Variants in FGF12 observed in about 807,000 individuals in gnomAD.
FGF12 encodes the protein fibroblast growth factor 12.
A neutral mutation model predicts 23.6 loss-of-function variants in FGF12; 14 were observed. The ratio of observed to expected loss-of-function variants is 0.59; its 90% CI spans 0.39 to 0.93. FGF12 has a LOEUF of 0.93. Ranked by LOEUF, FGF12 falls within the 40% of genes least tolerant of loss-of-function variation. The probability of loss-of-function intolerance (pLI) is 0.00; values close to 1 mark genes in which losing one functional copy is unlikely to be tolerated. For missense variants in FGF12, 175 were observed against 217.8 expected (o/e 0.80, Z 1.24); for synonymous variants, 62 against 77.3 (o/e 0.80, Z 1.04).
intron 2 of FGF12, among the ~76,000 whole-genome samples, chr3:192,589,969 G>A (rs1274598857): frequency 6.6e-6 from 1 of 151,882 alleles, no homozygotes; most frequent in Non-Finnish European, 1.5e-5. Flanking sequence ...TCTCTACCAA[G>A]ATGGAGGTTG....
At chr3:192,633,324 G>A (rs758068045) in intron 2 of FGF12, among the ~76,000 whole-genome samples, 1 of 152,106 alleles carries the variant, frequency 6.6e-6, no homozygotes, top group East Asian at 1.9e-4. Context: ...GGGATTACAG[G>A]TGTGAGCCCT....
At chr3:192,248,243 T>C (rs565493641) in intron 4 of FGF12, among the ~76,000 whole-genome samples, 28 of 152,304 alleles carry the variant, frequency 1.8e-4, no homozygotes, top group Non-Finnish European at 3.4e-4. Flanking sequence ...AAAGTGTACA[T>C]TGAACTGAAA....
At chr3:192,528,410 C>T (rs542391583) in intron 2 of FGF12, among the ~76,000 whole-genome samples, 3 of 152,278 alleles carry the variant, frequency 2.0e-5, no homozygotes, top group South Asian at 4.1e-4. Flanking sequence ...TTGGGCAGCT[C>T]GGCAACTGTG....
At chr3:192,144,728 T>A (rs1346860363) in intron 5 of FGF12, among the ~76,000 whole-genome samples, 1 of 152,236 alleles carries the variant, frequency 6.6e-6, no homozygotes, top group Non-Finnish European at 1.5e-5. Context: ...TATGCAAGCA[T>A]GAGACTTCAG....
intron 2 of FGF12, among the ~76,000 whole-genome samples, chr3:192,460,667 C>T (rs73889344): frequency 0.015 from 2,122 of 142,040 alleles, 40 homozygotes; most frequent in African/African-American, 0.053. Flanking sequence ...CATATACACA[C>T]ACACACACAT....
At chr3:192,573,477 CT>C (rs1214896152) in intron 2 of FGF12, among the ~76,000 whole-genome samples, 3 of 152,094 alleles carry the variant, frequency 2.0e-5, no homozygotes, top group African/African-American at 7.2e-5. Flanking sequence ...AAAGTTAACT[CT>C]CCCCTGATTA....
intron 4 of FGF12, among the ~76,000 whole-genome samples, chr3:192,226,823 T>C (rs1217427795): frequency 6.6e-6 from 1 of 152,144 alleles, no homozygotes; most frequent in African/African-American, 2.4e-5. Context: ...TGAGGAATCA[T>C]ATATGTCACT....
intron 2 of FGF12, among the ~76,000 whole-genome samples, chr3:192,495,902 AT>A (rs1322572702): frequency 6.6e-6 from 1 of 152,110 alleles, no homozygotes. Flanking sequence ...GGCTCCAGCA[AT>A]CCACCCATCC....
At chr3:192,659,352 G>A (rs916880481) in intron 2 of FGF12, among the ~76,000 whole-genome samples, 15 of 152,046 alleles carry the variant, frequency 9.9e-5, no homozygotes, top group Non-Finnish European at 1.9e-4. Context: ...CAGCACCCAG[G>A]AGAAATCAGT....
intron 2 of FGF12, among the ~76,000 whole-genome samples, chr3:192,479,707 G>A (rs1313068437): frequency 6.6e-6 from 1 of 152,038 alleles, no homozygotes; most frequent in East Asian, 1.9e-4. Context: ...CAGTTCATTT[G>A]GTCCATTTTA....
At position 192,141,922 on chromosome 3, in the gene FGF12, T is replaced by C. The variant is rs539770316; in HGVS notation, c.*2087A>G. On this transcript the variant is annotated 3_prime_UTR_variant, in exon 6 of 6. Transcript: ENST00000445105. ...AATAAAATAAGCTTTGTGCTTGGGA[T>C]TTTTTTCTTTTTTTTTTTGGTTCTG... 52 of 152,098 alleles carry C rather than the reference T, an allele frequency of 3.4e-4. No homozygotes were observed. Among genetic ancestry groups the C allele is most frequent in the African/African-American group, 1.2e-3 (49 of 41,434 alleles). The allele number at this position is 152,098 out of a possible 1,614,324, so 9.4% of individuals were successfully genotyped here. A position where few individuals can be genotyped will look rare whatever the true frequency, so the allele number is the denominator to read the frequency against.
chr3:192,387,586 G>A (rs564632787), intron 2 of FGF12, among the ~76,000 whole-genome samples: 4 of 151,974 alleles, frequency 2.6e-5, no homozygotes, highest in Non-Finnish European at 5.9e-5. Flanking sequence ...GGTGGCTAAG[G>A]CCTGTAATCC....
intron 2 of FGF12, chr3:192,533,992 G>C (rs1311870606): frequency 6.6e-6 from 1 of 152,298 alleles, no homozygotes; most frequent in Non-Finnish European, 1.5e-5. Flanking sequence ...AAGATGACAG[G>C]GTTTTTTTTT....
At chr3:192,540,832 A>G (rs1725346629) in intron 2 of FGF12, among the ~76,000 whole-genome samples, 1 of 152,144 alleles carries the variant, frequency 6.6e-6, no homozygotes, top group African/African-American at 2.4e-5. Context: ...TTGGGTACAT[A>G]TATATTTATA....
chr3:192,287,780 T>C (rs560524551), intron 4 of FGF12, among the ~76,000 whole-genome samples: 1 of 152,208 alleles, frequency 6.6e-6, no homozygotes, highest in Non-Finnish European at 1.5e-5. Context: ...ATCTGGATCA[T>C]TTGCTTTTGA....
chr3:192,408,654 A>G lies in FGF12; in HGVS notation c.14-48116T>C, dbSNP rs1056040073. The G allele has an allele frequency of 1.9e-6, 2 of 1,026,612 alleles. No individual in the cohort carries two copies. Among genetic ancestry groups the G allele is most frequent in the East Asian group, 9.4e-5 (1 of 10,634 alleles). 63.6% of individuals were successfully genotyped at this position (1,026,612 alleles called of 1,614,324 possible). ...TCTGTTGGAGAGGCGCAAGCGTTGT[A>G]AGGTGTCCAAAGTATACCTACACAT... is the stretch of plus-strand genomic sequence containing the variant. On this transcript the variant is annotated intron_variant, in intron 2 of 5. Transcript: ENST00000445105. This position sits in a 1 kb window ranked among gnomAD's most constrained non-coding sequence, Gnocchi z 7.3.
At chr3:192,476,760 G>A (rs142548520) in intron 2 of FGF12, among the ~76,000 whole-genome samples, 15 of 152,258 alleles carry the variant, frequency 9.9e-5, no homozygotes, top group African/African-American at 3.4e-4. Context: ...GGACACTAGT[G>A]GGAGTAAAGA....
intron 4 of FGF12, among the ~76,000 whole-genome samples, chr3:192,310,518 C>T (rs1294665491): frequency 1.3e-5 from 2 of 152,056 alleles, no homozygotes; most frequent in African/African-American, 2.4e-5. Flanking sequence ...ATGCAAGGCA[C>T]CAAAAATGTA....
chr3:192,170,704 G>A, intron 4 of FGF12, 48 bp from the exon 5 acceptor site: 3 of 1,499,466 alleles, frequency 2.0e-6, no homozygotes, highest in East Asian at 2.3e-5. Flanking sequence ...TGATTTAAAG[G>A]TGAATCAGCA....
Sources: allele counts gnomAD v4.1 joint callset (sites outside exome capture counted in the v4.1 genomes callset), GRCh38; gene constraint gnomAD v4.1.1; non-coding constraint Gnocchi (gnomAD v3.1); transcripts MANE v1.5; gene names NCBI Gene and HGNC (gene_info 2026-07-23, HGNC 2026-07-21).